The following SMC5 variants were observed in gnomAD, a reference collection of about 807,000 sequenced individuals.
SMC5 encodes the protein structural maintenance of chromosomes protein 5.
A neutral mutation model predicts 148.3 loss-of-function variants in SMC5; 88 were observed. The ratio of observed to expected loss-of-function variants is 0.59; its 90% CI spans 0.50 to 0.71. The LOEUF (loss-of-function observed/expected upper bound fraction) is 0.71, where lower values mean the gene tolerates loss of function less well. Among genes scored for constraint, SMC5 ranks in the 30% least tolerant of loss-of-function variants. The probability of loss-of-function intolerance (pLI) is 0.00; values close to 1 mark genes in which losing one functional copy is unlikely to be tolerated. For synonymous variants in SMC5, 421 were observed against 432.8 expected (o/e 0.97, Z 0.34); for missense variants, 1,142 against 1,298.9 (o/e 0.88, Z 1.86).
In SMC5 at chr9:70,259,078, G is replaced by A; in HGVS notation, c.-1G>A. On this transcript the variant is annotated 5_prime_UTR_variant, in exon 1 of 25. Transcript: ENST00000361138. ...CGCTGTGGGACGCTGAGGAAGCCAG[G>A]ATGGCGACTCCGAGCAAGAAGACGT... 2 of 1,602,594 alleles carry A rather than the reference G, an allele frequency of 1.2e-6. No individual in the cohort carries two copies. The highest frequency in any genetic ancestry group is 8.5e-7 in the Non-Finnish European group (1 of 1,173,564).
intron 11 of SMC5, among the ~76,000 whole-genome samples, chr9:70,309,397 G>A (rs71503696): frequency 2.3e-5 from 3 of 130,900 alleles, no homozygotes; most frequent in African/African-American, 2.9e-5. Context: ...GAATGGCCTC[G>A]CAAAAGTGCT....
intron 17 of SMC5, among the ~76,000 whole-genome samples, chr9:70,341,939 C>T (rs1009152080): frequency 2.3e-4 from 35 of 150,722 alleles, no homozygotes; most frequent in Admixed American, 6.6e-4. Flanking sequence ...CACATGCACA[C>T]GTATATTTAT....
intron 1 of SMC5, among the ~76,000 whole-genome samples, chr9:70,262,731 G>T (rs1262131253): frequency 1.3e-5 from 2 of 152,152 alleles, no homozygotes; most frequent in South Asian, 4.1e-4. Flanking sequence ...GAGAAAAAAA[G>T]GAATCATTGA....
At chr9:70,295,724 T>C (rs2035184383) in intron 8 of SMC5, among the ~76,000 whole-genome samples, 1 of 152,172 alleles carries the variant, frequency 6.6e-6, no homozygotes, top group Admixed American at 6.5e-5. Context: ...CTTTTCAGTT[T>C]TTCAGGTCAA....
chr9:70,343,961 T>C (rs2036592812), intron 17 of SMC5, among the ~76,000 whole-genome samples, 183 bp from the exon 18 acceptor site: 1 of 152,186 alleles, frequency 6.6e-6, no homozygotes, highest in Admixed American at 6.5e-5. Context: ...GCTGATGTAT[T>C]TTAAAGTTTA....
At chr9:70,341,577 A>C (rs1417190902) in intron 17 of SMC5, among the ~76,000 whole-genome samples, 2 of 152,154 alleles carry the variant, frequency 1.3e-5, no homozygotes, top group African/African-American at 4.8e-5. Flanking sequence ...GATTGCTTGC[A>C]TTTTCAGTTT....
At chr9:70,307,834 C>G (rs1321405471) in intron 11 of SMC5, among the ~76,000 whole-genome samples, 1 of 152,062 alleles carries the variant, frequency 6.6e-6, no homozygotes, top group African/African-American at 2.4e-5. Flanking sequence ...CTCAGATTGC[C>G]CCATATTTGG....
chr9:70,347,880 T>A, intron 21 of SMC5, 39 bp from the exon 22 acceptor site: 3 of 1,545,558 alleles, frequency 1.9e-6, no homozygotes, highest in Non-Finnish European at 2.6e-6. Context: ...ATAGTAATAC[T>A]GCTTTTAAAT....
intron 3 of SMC5, among the ~76,000 whole-genome samples, chr9:70,276,734 A>G (rs1408065942): frequency 1.3e-5 from 2 of 152,200 alleles, no homozygotes. Flanking sequence ...AGAAATAAGT[A>G]AATACCCTTC....
intron 12 of SMC5, among the ~76,000 whole-genome samples, chr9:70,315,185 C>T (rs1485741718): frequency 6.6e-6 from 1 of 151,574 alleles, no homozygotes; most frequent in African/African-American, 2.4e-5. Flanking sequence ...AAGTAAATAT[C>T]TTAATTTGGA....
intron 11 of SMC5, among the ~76,000 whole-genome samples, chr9:70,313,429 A>G (rs775172772): frequency 1.4e-4 from 21 of 152,014 alleles, no homozygotes; most frequent in South Asian, 4.2e-4. Context: ...AGTTCCTCTT[A>G]GTTGCTTTTT....
At chr9:70,305,465 G>T in intron 11 of SMC5, 105 bp downstream of exon 11, 1 of 674,442 alleles carries the variant, frequency 1.5e-6, no homozygotes, top group Non-Finnish European at 2.6e-6. Flanking sequence ...TTTACCACCA[G>T]TTCACTCTCA....
Position 70,282,521 on chromosome 9 carries a change from A to G in SMC5, c.919A>G (p.Thr307Ala), listed in dbSNP as rs1166185121. The change falls in exon 7 of 25, where the codon ACA (threonine) becomes GCA (alanine). Residue 307 changes from threonine to alanine, a missense_variant. Transcript: ENST00000361138. ...RKLKEGQIPV[T>A]CRIEEMENER... The stretch of plus-strand genomic sequence containing the variant: ...ACTTAAAGAAGGGCAGATTCCTGTA[A>G]CATGTCGAATTGAAGAAATGGAAAA... The G allele has an allele frequency of 1.2e-6, 2 of 1,601,500 alleles. No homozygotes were observed. The highest frequency in any genetic ancestry group is 1.7e-5 in the Admixed American group (1 of 57,658).
chr9:70,315,641 T>C, intron 13 of SMC5, 63 bp downstream of exon 13: 1 of 1,366,022 alleles, frequency 7.3e-7, no homozygotes, highest in South Asian at 1.9e-5. Flanking sequence ...TTAAAACTTC[T>C]TAGCTAAAGG....
At position 70,347,593 on chromosome 9, in the gene SMC5, GTT is replaced by G; in HGVS notation, c.2665-12_2665-11del. On this transcript the variant is annotated intron_variant, in intron 20 of 24. Transcript: ENST00000361138. ...CCTTTGGTAGATTTATCTTAAAGAA[GTT>G]TTTTTTTCCCCTGCCAGATTGTTCA... 1 of 1,313,386 alleles carries G rather than the reference GTT, an allele frequency of 7.6e-7. No individual in the cohort carries two copies. The highest frequency in any genetic ancestry group is 1.3e-5 in the South Asian group (1 of 74,384). 81.4% of individuals were successfully genotyped at this position (1,313,386 alleles called of 1,614,324 possible).
intron 3 of SMC5, among the ~76,000 whole-genome samples, chr9:70,269,738 G>A (rs2034393369): frequency 6.6e-6 from 1 of 152,146 alleles, no homozygotes; most frequent in Non-Finnish European, 1.5e-5. Context: ...TTTTGAAAAA[G>A]CAAAGTTGTA....
chr9:70,281,043 C>CA, intron 6 of SMC5, 144 bp downstream of exon 6: 1 of 634,614 alleles, frequency 1.6e-6, no homozygotes, highest in Non-Finnish European at 2.4e-6. Context: ...AAATTCATGT[C>CA]TTTTTTTTTT....
At chr9:70,274,044 T>A (rs1235316376) in intron 3 of SMC5, among the ~76,000 whole-genome samples, 2 of 152,250 alleles carry the variant, frequency 1.3e-5, no homozygotes, top group Non-Finnish European at 2.9e-5. Flanking sequence ...CCTTGTCCTG[T>A]CAATTTTCGC....
chr9:70,351,623 G>A (rs1393976861), intron 24 of SMC5, among the ~76,000 whole-genome samples: 1 of 152,044 alleles, frequency 6.6e-6, no homozygotes, highest in Non-Finnish European at 1.5e-5. Flanking sequence ...TCTTTTCCAA[G>A]GTCTGCCAAG....
Sources: gnomAD v4.1 joint callset for allele counts (sites outside exome capture counted in the v4.1 genomes callset) on GRCh38, gnomAD v4.1.1 for gene constraint, MANE v1.5 for transcripts, NCBI Gene and HGNC (gene_info 2026-07-23, HGNC 2026-07-21) for gene names.